The following ZZZ3 variants were observed in gnomAD, a reference collection of about 807,000 sequenced individuals.
ZZZ3 encodes ZZ-type zinc finger-containing protein 3.
In ZZZ3, 22 loss-of-function variants were observed where a neutral mutation model predicts 95.2. The ratio of observed to expected loss-of-function variants is 0.23; its 90% CI spans 0.17 to 0.33. The LOEUF (loss-of-function observed/expected upper bound fraction) is 0.33, where lower values mean the gene tolerates loss of function less well. ZZZ3 is among the 10% of genes least tolerant of loss of function. The pLI is 1.00. For synonymous variants in ZZZ3, 335 were observed against 358.9 expected, an observed-to-expected ratio of 0.93 and a Z score of 0.75; for missense variants, 885 against 1,066.5, an observed-to-expected ratio of 0.83 and a Z score of 2.37.
chr1:77,636,533 C>T (rs1193907817), intron 4 of ZZZ3, among the ~76,000 whole-genome samples: 5 of 151,366 alleles, frequency 3.3e-5, no homozygotes, highest in Non-Finnish European at 4.4e-5. Context: ...GGCAACATGG[C>T]GAAACCCTGT....
intron 5 of ZZZ3, among the ~76,000 whole-genome samples, chr1:77,601,984 T>C (rs2100678584): frequency 6.6e-6 from 1 of 152,330 alleles, no homozygotes; most frequent in South Asian, 2.1e-4. Context: ...AGTTCCGCTC[T>C]GCTAATCTGC....
chr1:77,627,205 A>G (rs1667413055), intron 5 of ZZZ3, among the ~76,000 whole-genome samples: 1 of 152,238 alleles, frequency 6.6e-6, no homozygotes, highest in African/African-American at 2.4e-5. Flanking sequence ...TATATTACTT[A>G]AAATTAATAA....
chr1:77,649,792 G>C (rs745996743), intron 1 of ZZZ3, among the ~76,000 whole-genome samples: 1 of 151,468 alleles, frequency 6.6e-6, no homozygotes, highest in Non-Finnish European at 1.5e-5. Flanking sequence ...TGAGGCAGGA[G>C]AATCGCTTGA....
intron 5 of ZZZ3, among the ~76,000 whole-genome samples, chr1:77,602,309 AAAAT>A (rs1222251572): frequency 2.0e-5 from 3 of 152,228 alleles, no homozygotes; most frequent in Non-Finnish European, 4.4e-5. Flanking sequence ...CAGCTGTAAC[AAAAT>A]AAATAACTTC....
chr1:77,582,907 C>G (rs1053046046), intron 6 of ZZZ3, among the ~76,000 whole-genome samples: 7 of 151,912 alleles, frequency 4.6e-5, no homozygotes, highest in Admixed American at 1.3e-4. Flanking sequence ...GGAGTTCAGA[C>G]CAACCTGGCC....
intron 1 of ZZZ3, among the ~76,000 whole-genome samples, chr1:77,656,843 A>T (rs1670312276): frequency 6.6e-6 from 1 of 152,236 alleles, no homozygotes; most frequent in African/African-American, 2.4e-5. Flanking sequence ...TGCCATGAGC[A>T]CTGAATTATC....
At chr1:77,582,795 G>C (rs1479061727) in intron 6 of ZZZ3, among the ~76,000 whole-genome samples, 1 of 151,216 alleles carries the variant, frequency 6.6e-6, no homozygotes, top group Non-Finnish European at 1.5e-5. Context: ...CTTTATTTCT[G>C]AAATAAAGTG....
chr1:77,659,248 A>G (rs1476050057), intron 1 of ZZZ3, among the ~76,000 whole-genome samples: 1 of 152,216 alleles, frequency 6.6e-6, no homozygotes, highest in East Asian at 1.9e-4. Flanking sequence ...CTAATTTGCT[A>G]TCACTCAATG....
chr1:77,640,690 C>T (rs1191640368), intron 3 of ZZZ3, among the ~76,000 whole-genome samples: 2 of 151,068 alleles, frequency 1.3e-5, no homozygotes, highest in Non-Finnish European at 2.9e-5. Context: ...ACTAAGAAAA[C>T]GACCAGCAGA....
At chr1:77,571,887 G>A (rs1661427385) in intron 12 of ZZZ3, among the ~76,000 whole-genome samples, 1 of 152,156 alleles carries the variant, frequency 6.6e-6, no homozygotes, top group African/African-American at 2.4e-5. Context: ...TTGCTGAACT[G>A]TATACTATAA....
intron 5 of ZZZ3, among the ~76,000 whole-genome samples, chr1:77,593,441 C>G (rs1449172834): frequency 6.6e-6 from 1 of 152,026 alleles, no homozygotes; most frequent in Non-Finnish European, 1.5e-5. Context: ...TGAACAGATA[C>G]AGTACGGTTC....
intron 12 of ZZZ3, among the ~76,000 whole-genome samples, chr1:77,569,229 C>A (rs974912262): frequency 3.3e-5 from 5 of 152,114 alleles, no homozygotes; most frequent in Non-Finnish European, 7.4e-5. Context: ...ACCAGCTACT[C>A]GGGAAGCTGA....
chr1:77,565,770 T>C lies in ZZZ3; in HGVS notation c.2582A>G (p.Asp861Gly), dbSNP rs779495617. The C allele has an allele frequency of 1.9e-6, 3 of 1,613,050 alleles. No homozygotes were observed. The highest frequency in any genetic ancestry group is 2.5e-6 in the Non-Finnish European group (3 of 1,179,554). Residue 861 changes from aspartate to glycine, a missense_variant, in exon 15 of 15, where the codon GAT becomes GGT. By Grantham distance (94) the Asp-to-Gly change is moderately conservative. Coordinates refer to ENST00000370801, the MANE Select transcript of ZZZ3 (RefSeq NM_015534.6). Reference protein sequence around the residue: ...DSCSDCLHETDIHKEDHQLEP... With the variant: ...DSCSDCLHETGIHKEDHQLEP... ...TAATTGGTGATCTTCCTTGTGAATA[T>C]CTGTTTCATGTAGACTGTAAAGAAA...
At chr1:77,645,050 C>T (rs1669132104) in intron 1 of ZZZ3, among the ~76,000 whole-genome samples, 1 of 151,688 alleles carries the variant, frequency 6.6e-6, no homozygotes, top group African/African-American at 2.4e-5. Flanking sequence ...TTGGCAAGAC[C>T]CTGTCTCTAC....
rs940149033 is a variant in ZZZ3, at chr1:77,617,734, T to C, written c.1505+14116A>G. Among the ~76,000 whole-genome samples the C allele has an allele frequency of 2.7e-5, 4 of 150,682 alleles. No individual in the cohort carries two copies. The South Asian group carries it at 6.3e-4, about 24-fold the overall frequency. ...TGGGTGAATCATTTGAGGTCAGGCATTGGAGACCAGCCAAGCCAACACGTG... is the reference window on the plus strand; with the variant it reads ...TGGGTGAATCATTTGAGGTCAGGCACTGGAGACCAGCCAAGCCAACACGTG... On this transcript the variant is annotated intron_variant, in intron 5 of 14. Transcript: ENST00000370801.
At chr1:77,601,438 A>G (rs1309637407) in intron 5 of ZZZ3, among the ~76,000 whole-genome samples, 1 of 152,230 alleles carries the variant, frequency 6.6e-6, no homozygotes, top group Non-Finnish European at 1.5e-5. Context: ...TGCGATGGGA[A>G]GAAAGTAAAT....
chr1:77,630,140 G>A (rs17100817), intron 5 of ZZZ3, among the ~76,000 whole-genome samples: 6,296 of 152,086 alleles, frequency 0.041, 156 homozygotes, highest in Middle Eastern at 0.079. Context: ...TAAGACATAC[G>A]CTCTCCTTCC....
chr1:77,589,156 C>T (rs539725905), intron 5 of ZZZ3, among the ~76,000 whole-genome samples: 13 of 152,280 alleles, frequency 8.5e-5, no homozygotes, highest in African/African-American at 3.1e-4. Context: ...GGATTATAGG[C>T]GTGAGCCCCC....
Position 77,639,457 on chromosome 1 carries a change from C to T in ZZZ3, c.-60G>A. On this transcript the variant is annotated 5_prime_UTR_variant, in exon 4 of 15. It introduces an in-frame stop codon into an upstream open reading frame of the 5' UTR. Transcript: ENST00000370801. Reference sequence around the variant, plus strand: ...AAAACTAAATAACTTACCTGTACAACCAAAGATCTATCATTGTGGAAATAT... The same window carrying T: ...AAAACTAAATAACTTACCTGTACAATCAAAGATCTATCATTGTGGAAATAT... 1 of 1,518,216 alleles carries T rather than the reference C, an allele frequency of 6.6e-7. No individual in the cohort carries two copies. The highest frequency in any genetic ancestry group is 8.8e-7 in the Non-Finnish European group (1 of 1,132,532). 94.0% of individuals were successfully genotyped at this position (1,518,216 alleles called of 1,614,324 possible).
Sources: gnomAD v4.1 joint callset for allele counts (sites outside exome capture counted in the v4.1 genomes callset) on GRCh38, gnomAD v4.1.1 for gene constraint, MANE v1.5 for transcripts, NCBI Gene and HGNC (gene_info 2026-07-23, HGNC 2026-07-21) for gene names.